STPG2: variants seen among roughly 807,000 people sequenced by gnomAD.
The protein encoded by STPG2 is sperm tail PG-rich repeat containing 2.
A neutral mutation model predicts 54.2 loss-of-function variants in STPG2; 56 were observed. The observed-to-expected ratio is 1.03, with a 90% CI of 0.83 to 1.29. The LOEUF (loss-of-function observed/expected upper bound fraction) is 1.29, where lower values mean the gene tolerates loss of function less well. STPG2 is among the 50% of genes most tolerant of loss of function. The probability of loss-of-function intolerance (pLI) is 0.00; values close to 1 mark genes in which losing one functional copy is unlikely to be tolerated. For missense variants in STPG2, 596 were observed against 544.9 expected (o/e 1.09, Z -0.93); for synonymous variants, 200 against 181.8 (o/e 1.10, Z -0.81).
intron 5 of STPG2, among the ~76,000 whole-genome samples, chr4:97,986,969 CA>C (rs1410521618): frequency 6.6e-6 from 1 of 152,108 alleles, no homozygotes; most frequent in African/African-American, 2.4e-5. Flanking sequence ...CTTTTAATGT[CA>C]TATTTTCCAG....
chr4:97,881,136 GTA>G (rs1730356536), intron 8 of STPG2, among the ~76,000 whole-genome samples: 2 of 151,654 alleles, frequency 1.3e-5, no homozygotes, highest in Non-Finnish European at 2.9e-5. Flanking sequence ...GTAAAAACTA[GTA>G]AAGAGTGCAA....
chr4:97,658,879 C>T (rs926402335), intron 10 of STPG2, among the ~76,000 whole-genome samples: 1 of 152,170 alleles, frequency 6.6e-6, no homozygotes, highest in South Asian at 2.1e-4. Flanking sequence ...AAAATAAATG[C>T]ATATGCTATA....
rs150918918 is a variant in STPG2 at position 97,883,582 on chromosome 4, G to A, written c.1045-42650C>T. Among the ~76,000 whole-genome samples, 856 of 151,940 alleles carry A rather than the reference G, an allele frequency of 5.6e-3. 7 individuals are homozygous for A. Among genetic ancestry groups the A allele is most frequent in the Non-Finnish European group, 9.4e-3 (636 of 67,978 alleles). On this transcript the variant is annotated intron_variant, in intron 8 of 10. Transcript: ENST00000295268. Reference sequence around the variant, plus strand: ...ACATGAAATTATAAACAAAACAAGTGTTAGAAATGAAAAAAACAGAAACAG... The same window carrying A: ...ACATGAAATTATAAACAAAACAAGTATTAGAAATGAAAAAAACAGAAACAG...
intron 8 of STPG2, among the ~76,000 whole-genome samples, chr4:97,928,879 AT>A (rs560575009): frequency 1.3e-5 from 2 of 151,776 alleles, no homozygotes; most frequent in South Asian, 2.1e-4. Context: ...AACCAATTTT[AT>A]TTTTTTTAAC....
intron 5 of STPG2, among the ~76,000 whole-genome samples, chr4:98,009,326 T>G (rs1221735423): frequency 6.6e-6 from 1 of 151,514 alleles, no homozygotes; most frequent in Non-Finnish European, 1.5e-5. Flanking sequence ...CCCTTTTAAT[T>G]TCTTCTTTGG....
intron 5 of STPG2, among the ~76,000 whole-genome samples, chr4:98,093,995 T>TTTCTAGG (rs756256573): frequency 6.6e-6 from 1 of 152,098 alleles, no homozygotes; most frequent in Admixed American, 6.5e-5. Context: ...AGGACTGCAA[T>TTTCTAGG]TTCTAGGCAA....
chr4:97,970,291 AG>A (rs1435537690), intron 7 of STPG2, among the ~76,000 whole-genome samples: 1 of 152,234 alleles, frequency 6.6e-6, no homozygotes, highest in African/African-American at 2.4e-5. Flanking sequence ...CTTTCTTCAC[AG>A]AATTGGAAAA....
intron 7 of STPG2, among the ~76,000 whole-genome samples, chr4:97,948,226 T>A (rs1231415236): frequency 6.6e-6 from 1 of 152,102 alleles, no homozygotes; most frequent in Non-Finnish European, 1.5e-5. Context: ...CATGGCTATC[T>A]CAAATGATCT....
intron 8 of STPG2, among the ~76,000 whole-genome samples, chr4:97,854,584 T>C (rs111755665): frequency 0.018 from 2,780 of 151,696 alleles, 73 homozygotes; most frequent in African/African-American, 0.063. Flanking sequence ...TTTAAAAACA[T>C]GGGGATCGGG....
intron 5 of STPG2, among the ~76,000 whole-genome samples, chr4:98,090,614 G>C (rs1738656951): frequency 6.6e-6 from 1 of 151,844 alleles, no homozygotes; most frequent in South Asian, 2.1e-4. Flanking sequence ...TATTTTGATG[G>C]GAATTGCATT....
At chr4:97,761,449 G>T (rs540701643) in intron 9 of STPG2, among the ~76,000 whole-genome samples, 1 of 152,218 alleles carries the variant, frequency 6.6e-6, no homozygotes, top group African/African-American at 2.4e-5. Flanking sequence ...AAGAAGAAAG[G>T]AAGGATTCTC....
chr4:97,717,017 G>A (rs1293049122), intron 9 of STPG2, among the ~76,000 whole-genome samples: 1 of 152,058 alleles, frequency 6.6e-6, no homozygotes, highest in Non-Finnish European at 1.5e-5. Flanking sequence ...TACAAATGAA[G>A]TAATAGCAAA....
chr4:97,783,068 A>T (rs1726701710), intron 9 of STPG2, among the ~76,000 whole-genome samples: 1 of 152,228 alleles, frequency 6.6e-6, no homozygotes, highest in Non-Finnish European at 1.5e-5. Flanking sequence ...ACAAAAGCCA[A>T]AATTCACAAA....
intron 5 of STPG2, among the ~76,000 whole-genome samples, chr4:98,093,398 C>T (rs115842443): frequency 0.013 from 1,929 of 152,106 alleles, 32 homozygotes; most frequent in African/African-American, 0.044. Context: ...AAAAAACTCA[C>T]ATTGATTAAA....
chr4:98,064,527 T>G (rs1737763323), intron 5 of STPG2, among the ~76,000 whole-genome samples: 1 of 152,188 alleles, frequency 6.6e-6, no homozygotes, highest in South Asian at 2.1e-4. Context: ...TTAAAACAGA[T>G]TCCTTATATT....
intron 5 of STPG2, among the ~76,000 whole-genome samples, chr4:98,027,383 G>C (rs1736457954): frequency 6.6e-6 from 1 of 152,126 alleles, no homozygotes; most frequent in Non-Finnish European, 1.5e-5. Flanking sequence ...ATATTCCCAA[G>C]AGTCTTAACT....
At chr4:97,626,378 G>T (rs1480720524) in intron 10 of STPG2, among the ~76,000 whole-genome samples, 1 of 152,006 alleles carries the variant, frequency 6.6e-6, no homozygotes, top group African/African-American at 2.4e-5. Flanking sequence ...ATTCTTCAAG[G>T]CTCAAATTAT....
intron 7 of STPG2, among the ~76,000 whole-genome samples, chr4:97,946,700 TG>T (rs1232400072): frequency 3.3e-4 from 50 of 152,306 alleles, no homozygotes; most frequent in Non-Finnish European, 5.6e-4. Context: ...ATCAGTTGGT[TG>T]TAAATATTTG....
chr4:97,508,892 T>C (rs375135746), intron 4 of STPG2, among the ~76,000 whole-genome samples: 13 of 152,270 alleles, frequency 8.5e-5, no homozygotes, highest in African/African-American at 3.1e-4. Flanking sequence ...ACACTCTAAC[T>C]ACCCATCTCT....
Sources: allele counts gnomAD v4.1 joint callset (sites outside exome capture counted in the v4.1 genomes callset), GRCh38; gene constraint gnomAD v4.1.1; transcripts MANE v1.5; gene names NCBI Gene and HGNC (gene_info 2026-07-23, HGNC 2026-07-21).